Variants in ITGA9 observed in about 807,000 individuals in gnomAD.
The protein encoded by ITGA9 is integrin alpha-9.
In ITGA9, 56 loss-of-function variants were observed where a neutral mutation model predicts 127.8. That is an observed-to-expected ratio of 0.44 (90% CI 0.35 to 0.55). The LOEUF (loss-of-function observed/expected upper bound fraction) is 0.55. Among genes scored for constraint, ITGA9 ranks in the 20% least tolerant of loss-of-function variants. The pLI, the probability that ITGA9 is intolerant of heterozygous loss-of-function variation, is 0.00. For missense variants in ITGA9, 1,196 were observed against 1,347.1 expected (o/e 0.89, Z 1.76); for synonymous variants, 508 against 514.5 (o/e 0.99, Z 0.17).
chr3:37,637,225 G>A (rs566203626), intron 16 of ITGA9, among the ~76,000 whole-genome samples: 1 of 152,284 alleles, frequency 6.6e-6, no homozygotes, highest in African/African-American at 2.4e-5. Context: ...ACCTTGGGCA[G>A]TATGGCCATT....
At chr3:37,746,362 T>C (rs1696500843) in intron 22 of ITGA9, among the ~76,000 whole-genome samples, 1 of 152,208 alleles carries the variant, frequency 6.6e-6, no homozygotes, top group Non-Finnish European at 1.5e-5. Context: ...TTACATTTCA[T>C]CATAGTTTTT....
In ITGA9 at chr3:37,503,158, G is replaced by A. The variant is rs201524608; in HGVS notation, c.613-20G>A. Reference sequence around the variant, plus strand: ...CTCCTCACTTCCTTCTCTGCTTACCGTTGGATTTCTTTTTGGTAGGAGCTG... The same window carrying A: ...CTCCTCACTTCCTTCTCTGCTTACCATTGGATTTCTTTTTGGTAGGAGCTG... On this transcript the variant is annotated intron_variant, in intron 5 of 27. Coordinates refer to ENST00000264741, the MANE Select transcript of ITGA9 (RefSeq NM_002207.3). 250 of 1,613,260 alleles carry A rather than the reference G, an allele frequency of 1.5e-4. No homozygotes were observed. Among genetic ancestry groups the A allele is most frequent in the Admixed American group, 5.3e-4 (32 of 59,978 alleles).
intron 15 of ITGA9, among the ~76,000 whole-genome samples, chr3:37,601,555 T>C (rs1699922653): frequency 6.6e-6 from 1 of 152,194 alleles, no homozygotes; most frequent in Non-Finnish European, 1.5e-5. Context: ...TAGCTTCATA[T>C]GATCTCCAGA....
At chr3:37,481,646 C>G in intron 4 of ITGA9, 39 bp downstream of exon 4, 1 of 1,613,796 alleles carries the variant, frequency 6.2e-7, no homozygotes, top group South Asian at 1.1e-5. Context: ...CCCTACCCAC[C>G]TCATGCCCTA....
chr3:37,529,798 G>A (rs550230361), intron 13 of ITGA9, among the ~76,000 whole-genome samples: 11 of 152,212 alleles, frequency 7.2e-5, no homozygotes, highest in Non-Finnish European at 1.3e-4. Context: ...GATGAGGGAT[G>A]GGGGGATGAG....
chr3:37,461,925 G>A (rs1455957586), intron 1 of ITGA9, among the ~76,000 whole-genome samples: 1 of 152,174 alleles, frequency 6.6e-6, no homozygotes, highest in African/African-American at 2.4e-5. Context: ...ATAAGTCTGG[G>A]AGGTAGATCT....
At chr3:37,671,317 A>G (rs1013424604) in intron 17 of ITGA9, among the ~76,000 whole-genome samples, 1 of 152,216 alleles carries the variant, frequency 6.6e-6, no homozygotes, top group Non-Finnish European at 1.5e-5. Context: ...TAAACAGATG[A>G]GGCAGGAGGA....
chr3:37,612,115 A>G (rs1284693139), intron 15 of ITGA9, among the ~76,000 whole-genome samples: 1 of 152,092 alleles, frequency 6.6e-6, no homozygotes, highest in Admixed American at 6.5e-5. Flanking sequence ...GAAACAACAT[A>G]ATGTTTCTGC....
chr3:37,539,677 AT>A (rs1699247149), intron 14 of ITGA9, among the ~76,000 whole-genome samples: 1 of 152,242 alleles, frequency 6.6e-6, no homozygotes, highest in Non-Finnish European at 1.5e-5. Flanking sequence ...ATATAAAAAA[AT>A]ACCTTCTCAG....
chr3:37,750,078 C>T (rs2125537658), intron 22 of ITGA9, among the ~76,000 whole-genome samples: 2 of 151,550 alleles, frequency 1.3e-5, no homozygotes, highest in African/African-American at 4.8e-5. Context: ...TAACAAGCCC[C>T]TCAGATGGTT....
intron 15 of ITGA9, among the ~76,000 whole-genome samples, chr3:37,563,984 C>T (rs767502627): frequency 5.9e-5 from 9 of 152,126 alleles, no homozygotes; most frequent in South Asian, 4.2e-4. Flanking sequence ...AGGATAGTAA[C>T]GACTTTTATG....
intron 16 of ITGA9, among the ~76,000 whole-genome samples, chr3:37,630,472 T>G (rs1343062749): frequency 6.6e-6 from 1 of 152,176 alleles, no homozygotes; most frequent in Admixed American, 6.5e-5. Flanking sequence ...GAACAAAAAT[T>G]ACACCAAAGA....
At chr3:37,675,584 A>G (rs1355427720) in intron 17 of ITGA9, among the ~76,000 whole-genome samples, 1 of 152,048 alleles carries the variant, frequency 6.6e-6, no homozygotes, top group African/African-American at 2.4e-5. Flanking sequence ...ACAACATACA[A>G]CTTTGGACAT....
chr3:37,772,337 G>A (rs959054533), intron 23 of ITGA9, among the ~76,000 whole-genome samples: 64 of 152,192 alleles, frequency 4.2e-4, no homozygotes, highest in African/African-American at 1.5e-3. Flanking sequence ...GAACCCAGGA[G>A]GCAGAGGTTT....
At chr3:37,499,363 A>G (rs1470621994) in intron 5 of ITGA9, among the ~76,000 whole-genome samples, 1 of 152,170 alleles carries the variant, frequency 6.6e-6, no homozygotes, top group African/African-American at 2.4e-5. Flanking sequence ...GAGGAAATAT[A>G]TGGCTTCTCC....
intron 26 of ITGA9, among the ~76,000 whole-genome samples, chr3:37,791,896 T>A (rs11129771): frequency 2.6e-5 from 4 of 152,146 alleles, no homozygotes; most frequent in Non-Finnish European, 5.9e-5. Context: ...CAAAGTTTAC[T>A]GCTTTTACTG....
intron 6 of ITGA9, among the ~76,000 whole-genome samples, chr3:37,504,741 C>G (rs529997622): frequency 6.6e-6 from 1 of 152,302 alleles, no homozygotes; most frequent in South Asian, 2.1e-4. Flanking sequence ...AGGATCCGTT[C>G]AGGCTTTGAT....
intron 23 of ITGA9, among the ~76,000 whole-genome samples, chr3:37,759,643 T>C (rs890162367): frequency 6.6e-6 from 1 of 152,224 alleles, no homozygotes; most frequent in Non-Finnish European, 1.5e-5. Flanking sequence ...GGCTCATGCC[T>C]GTAATCCCAG....
chr3:37,655,979 G>A (rs759474233), intron 17 of ITGA9, among the ~76,000 whole-genome samples: 36 of 152,234 alleles, frequency 2.4e-4, no homozygotes, highest in African/African-American at 7.7e-4. Flanking sequence ...GTTTTTGTCA[G>A]GTTTGTCAAA....
Sources: allele counts gnomAD v4.1 joint callset (sites outside exome capture counted in the v4.1 genomes callset), GRCh38; gene constraint gnomAD v4.1.1; transcripts MANE v1.5; gene names NCBI Gene and HGNC (gene_info 2026-07-23, HGNC 2026-07-21).